The following DOCK8 variants were observed in gnomAD, a reference collection of about 807,000 sequenced individuals.
DOCK8 encodes the protein dedicator of cytokinesis 8.
In DOCK8, 141 loss-of-function variants were observed where a neutral mutation model predicts 245.6. The ratio of observed to expected loss-of-function variants is 0.57; its 90% CI spans 0.50 to 0.66. The LOEUF (loss-of-function observed/expected upper bound fraction) is 0.66, where lower values mean the gene tolerates loss of function less well. DOCK8 is among the 30% of genes least tolerant of loss of function. The probability of loss-of-function intolerance (pLI) is 0.00; values close to 1 mark genes in which losing one functional copy is unlikely to be tolerated. For synonymous variants in DOCK8, 1,168 were observed against 970.2 expected, an observed-to-expected ratio of 1.20 and a Z score of -3.79; for missense variants, 2,965 against 2,603.4, an observed-to-expected ratio of 1.14 and a Z score of -3.02.
chr9:337,562 T>C (rs747179578), intron 12 of DOCK8, among the ~76,000 whole-genome samples: 4 of 152,158 alleles, frequency 2.6e-5, no homozygotes, highest in African/African-American at 7.2e-5. Flanking sequence ...CACTACTGCT[T>C]GATGTGCAAG....
At position 457,623 on chromosome 9, in the gene DOCK8, G is replaced by C. The variant is rs369114497; in HGVS notation, c.6068+5506G>C. Among the ~76,000 whole-genome samples the C allele has an allele frequency of 8.5e-5, 13 of 152,338 alleles. No individual in the cohort carries two copies. The East Asian group carries it at 1.5e-3, about 18-fold the overall frequency. On this transcript the variant is annotated intron_variant, in intron 46 of 47. Coordinates refer to ENST00000432829, the MANE Select transcript of DOCK8 (RefSeq NM_203447.4). ...CAGGATTCTGGGTTTATATCCAGCTGTGCTGTCCCACAGGTATGTGACTGG... is the reference window on the plus strand; with the variant it reads ...CAGGATTCTGGGTTTATATCCAGCTCTGCTGTCCCACAGGTATGTGACTGG...
At chr9:371,384 A>G (rs773381050) in intron 16 of DOCK8, 44 bp from the exon 17 acceptor site, 12 of 1,612,910 alleles carry the variant, frequency 7.4e-6, no homozygotes, top group Non-Finnish European at 1.0e-5. Context: ...AGAAGTCATC[A>G]TTCTTGCTAA....
chr9:381,312 T>C (rs574862248), intron 21 of DOCK8: 1 of 152,348 alleles, frequency 6.6e-6, no homozygotes, highest in South Asian at 2.1e-4. Flanking sequence ...ATGATTCAGC[T>C]GAGAATCTCT....
At chr9:417,877 T>A (rs2056094545) in intron 29 of DOCK8, among the ~76,000 whole-genome samples, 191 bp from the exon 30 acceptor site, 1 of 152,250 alleles carries the variant, frequency 6.6e-6, no homozygotes, top group African/African-American at 2.4e-5. Flanking sequence ...TCTAGCCTAA[T>A]CTTGTGCTAG....
intron 8 of DOCK8, 126 bp from the exon 9 acceptor site, chr9:327,892 ACCAC>A: frequency 1.2e-6 from 1 of 851,450 alleles, no homozygotes; most frequent in Non-Finnish European, 2.0e-6. Context: ...ACTTTCCTAA[ACCAC>A]ATCTGTGATT....
At chr9:363,926 T>G (rs111318714) in intron 14 of DOCK8, among the ~76,000 whole-genome samples, 1 of 152,204 alleles carries the variant, frequency 6.6e-6, no homozygotes, top group Non-Finnish European at 1.5e-5. Flanking sequence ...ACTACTGTTA[T>G]GATTTACACA....
intron 23 of DOCK8, among the ~76,000 whole-genome samples, chr9:387,544 C>T (rs1228227864): frequency 6.6e-6 from 1 of 151,980 alleles, no homozygotes; most frequent in East Asian, 1.9e-4. Flanking sequence ...GTTTATTAAA[C>T]AGGCAAGGAG....
Position 441,384 on chromosome 9 carries a change from G to A in DOCK8, c.5322G>A (p.Lys1774=). 1 of 1,614,216 alleles carries A rather than the reference G, an allele frequency of 6.2e-7. No individual in the cohort carries two copies. Among genetic ancestry groups the A allele is most frequent in the East Asian group, 2.2e-5 (1 of 44,872 alleles). ...GGAAGCTGACACTCACTCACAGCAA[G>A]CTGCAGAGAGCCTTCGACAGCATCG... ...EFRKLTLTHS[K]LQRAFDSIVN... Residue 1774 remains lysine (K), a synonymous_variant, in exon 41 of 48, where the codon AAG becomes AAA. Coordinates refer to ENST00000432829, the MANE Select transcript of DOCK8 (RefSeq NM_203447.4).
intron 1 of DOCK8, among the ~76,000 whole-genome samples, chr9:231,952 G>A (rs565958368): frequency 7.2e-5 from 11 of 152,254 alleles, no homozygotes; most frequent in African/African-American, 2.6e-4. Context: ...GGAGGTGAGA[G>A]AGGACATCCC....
Position 312,070 on chromosome 9 carries a change from G to A in DOCK8, c.645G>A (p.Gln215=), listed in dbSNP as rs1448346446. 2 of 1,614,242 alleles carry A rather than the reference G, an allele frequency of 1.2e-6. No individual in the cohort carries two copies. The highest frequency in any genetic ancestry group is 1.7e-5 in the Admixed American group (1 of 60,028). Residue 215 remains glutamine (Q), a synonymous_variant, in exon 6 of 48, where the codon CAG becomes CAA. Transcript: ENST00000432829. ...QPDKRLENLL[Q]QVSAEDFEKQ... ...ACAAGCGGCTAGAAAACCTCCTGCA[G>A]CAAGTGAGTGCCGAGGACTTTGAGA...
intron 1 of DOCK8, among the ~76,000 whole-genome samples, chr9:230,554 C>T (rs1361537874): frequency 7.2e-5 from 11 of 152,060 alleles, no homozygotes; most frequent in East Asian, 1.9e-4. Context: ...ACATCCTCTC[C>T]GGCACCTGTT....
At position 230,371 on chromosome 9, in the gene DOCK8, G is replaced by A. The variant is rs868003107; in HGVS notation, c.53+15342G>A. The stretch of plus-strand genomic sequence containing the variant: ...TGCTGCTATAAACATACGTGTGCAT[G>A]TGTCTTTATAGCAGCATGATTTATA... On this transcript the variant is annotated intron_variant, in intron 1 of 47. Transcript: ENST00000432829. Among the ~76,000 whole-genome samples the A allele has an allele frequency of 2.6e-5, 4 of 152,252 alleles. No individual in the cohort carries two copies. The South Asian group carries it at 8.3e-4, about 32-fold the overall frequency.
At chr9:373,037 G>T (rs1158430952) in intron 18 of DOCK8, among the ~76,000 whole-genome samples, 1 of 152,090 alleles carries the variant, frequency 6.6e-6, no homozygotes, top group African/African-American at 2.4e-5. Context: ...CGTGGTGGCG[G>T]GTGCCTGTAA....
chr9:371,375 G>C, intron 16 of DOCK8, 53 bp from the exon 17 acceptor site: 1 of 1,609,348 alleles, frequency 6.2e-7, no homozygotes, highest in Non-Finnish European at 8.5e-7. Context: ...TACAATCAGA[G>C]AAGTCATCAT....
At chr9:215,432 G>A in intron 1 of DOCK8, 1 of 1,507,096 alleles carries the variant, frequency 6.6e-7, no homozygotes, top group South Asian at 1.3e-5. Flanking sequence ...TCTGAGCGCG[G>A]GGGGAAGAAG....
chr9:269,944 C>G (rs961945235), intron 1 of DOCK8, among the ~76,000 whole-genome samples: 1 of 152,174 alleles, frequency 6.6e-6, no homozygotes, highest in African/African-American at 2.4e-5. Flanking sequence ...TTTTCAGGAA[C>G]TGCCAGATGG....
intron 22 of DOCK8, among the ~76,000 whole-genome samples, chr9:384,504 C>T (rs992912992): frequency 6.6e-6 from 1 of 152,242 alleles, no homozygotes; most frequent in Non-Finnish European, 1.5e-5. Context: ...GGCGCCAATA[C>T]TGCCCCGCTG....
At position 420,150 on chromosome 9, in the gene DOCK8, G is replaced by A. The variant is rs2056214870; in HGVS notation, c.3841-251G>A. The A allele has an allele frequency of 7.3e-6, 4 of 550,200 alleles. No individual in the cohort carries two copies. The African/African-American group carries it at 7.6e-5, about 10-fold the overall frequency. The allele number at this position is 550,200 out of a possible 1,614,324, so 34.1% of individuals were successfully genotyped here. ...CTAAGACAGAGGTACTCAGATACGTGGCTGAAAGCCTAGCTCAAATACTGC... is the reference window on the plus strand; with the variant it reads ...CTAAGACAGAGGTACTCAGATACGTAGCTGAAAGCCTAGCTCAAATACTGC... On this transcript the variant is annotated intron_variant, in intron 30 of 47. Transcript: ENST00000432829.
intron 4 of DOCK8, among the ~76,000 whole-genome samples, chr9:289,982 T>C (rs148184283): frequency 1.4e-3 from 217 of 152,312 alleles, no homozygotes; most frequent in African/African-American, 4.9e-3. Flanking sequence ...TCATCCTCCC[T>C]CCCTGGCAAC....
Sources: gnomAD v4.1 joint callset for allele counts (sites outside exome capture counted in the v4.1 genomes callset) on GRCh38, gnomAD v4.1.1 for gene constraint, MANE v1.5 for transcripts, NCBI Gene and HGNC (gene_info 2026-07-23, HGNC 2026-07-21) for gene names.